Variants in PAQR5 observed in about 807,000 individuals in gnomAD.
The protein encoded by PAQR5 is membrane progestin receptor gamma.
In PAQR5, 20 loss-of-function variants were observed where a neutral mutation model predicts 34.5. That is an observed-to-expected ratio of 0.58 (90% CI 0.41 to 0.84). The LOEUF (loss-of-function observed/expected upper bound fraction) is 0.84, where lower values mean the gene tolerates loss of function less well. Ranked by LOEUF, PAQR5 falls within the 40% of genes least tolerant of loss-of-function variation. The probability of loss-of-function intolerance (pLI) is 0.00; values close to 1 mark genes in which losing one functional copy is unlikely to be tolerated. For synonymous variants in PAQR5, 131 were observed against 155.6 expected (o/e 0.84, Z 1.18); for missense variants, 378 against 412.7 (o/e 0.92, Z 0.73).
chr15:69,340,402 G>T (rs1567008770), intron 2 of PAQR5, among the ~76,000 whole-genome samples: 1 of 152,094 alleles, frequency 6.6e-6, no homozygotes, highest in Non-Finnish European at 1.5e-5. Flanking sequence ...TCACTAAATA[G>T]ATTTCACGAT....
intron 3 of PAQR5, among the ~76,000 whole-genome samples, chr15:69,377,957 G>A (rs964968057): frequency 1.3e-5 from 2 of 152,052 alleles, no homozygotes; most frequent in Non-Finnish European, 2.9e-5. Flanking sequence ...GTGAGACCCT[G>A]TCTCTGCAAA....
At chr15:69,308,947 G>T (rs1566990711) in intron 1 of PAQR5, among the ~76,000 whole-genome samples, 1 of 152,118 alleles carries the variant, frequency 6.6e-6, no homozygotes, top group East Asian at 1.9e-4. Context: ...GACCGAAAGG[G>T]TTTGGACATG....
rs140476800 is a variant in PAQR5 at position 69,309,890 on chromosome 15, A to G, written c.-277+10834A>G. ...AAGGTGAAATGCCATCTCTACAAAA[A>G]TACAAAAATTAGCCAGGCATGATGG... On this transcript the variant is annotated intron_variant, in intron 1 of 8. Coordinates refer to ENST00000395407, the MANE Select transcript of PAQR5 (RefSeq NM_017705.4). Among the ~76,000 whole-genome samples the G allele has an allele frequency of 4.9e-3, 741 of 152,214 alleles. 6 individuals carry two copies. Among genetic ancestry groups the G allele is most frequent in the African/African-American group, 0.017 (695 of 41,540 alleles).
intron 5 of PAQR5, among the ~76,000 whole-genome samples, chr15:69,386,276 A>T (rs1489573819): frequency 6.6e-6 from 1 of 150,988 alleles, no homozygotes; most frequent in Non-Finnish European, 1.5e-5. Context: ...CACCACATAC[A>T]TACACACACA....
Position 69,300,911 on chromosome 15 carries a change from TCCTTTC to T in PAQR5, c.-277+1856_-277+1861del, listed in dbSNP as rs1291240639. On this transcript the variant is annotated intron_variant, in intron 1 of 8. Transcript: ENST00000395407. ...TTTCTTTCTTCCTTCCTTCCTTCCT[TCCTTTC>T]TCTCTCTCTCTCTCTCTCTCTCTTT... Among the ~76,000 whole-genome samples, 2 of 18,768 alleles carry T rather than the reference TCCTTTC, an allele frequency of 1.1e-4. 1 individual carries two copies. The highest frequency in any genetic ancestry group is 2.2e-4 in the African/African-American group (2 of 8,922). The allele number at this position is 18,768 out of a possible 152,430, so 12.3% of individuals were successfully genotyped here. A position where few individuals can be genotyped will look rare whatever the true frequency, so the allele number is the denominator to read the frequency against.
intron 7 of PAQR5, among the ~76,000 whole-genome samples, chr15:69,398,604 C>T (rs1157175545): frequency 1.3e-5 from 2 of 152,000 alleles, no homozygotes; most frequent in African/African-American, 4.8e-5. Flanking sequence ...GAGCTCCACC[C>T]AGCAGCTGGG....
intron 3 of PAQR5, 46 bp downstream of exon 3, chr15:69,360,177 A>G (rs767133997): frequency 2.7e-6 from 4 of 1,503,668 alleles, no homozygotes; most frequent in Admixed American, 3.3e-5. Context: ...GAGTGTGACC[A>G]GGGCTTGGCC....
chr15:69,390,348 A>AT (rs67519047), intron 6 of PAQR5, among the ~76,000 whole-genome samples: 15,882 of 124,844 alleles, frequency 0.13, 1,410 homozygotes, highest in Non-Finnish European at 0.19. Context: ...TTATTTATTT[A>AT]TTTATTTATT....
chr15:69,338,781 A>G (rs552426978), intron 2 of PAQR5, among the ~76,000 whole-genome samples: 1 of 152,296 alleles, frequency 6.6e-6, no homozygotes, highest in East Asian at 1.9e-4. Flanking sequence ...TGTCTTTTTC[A>G]TTTCTGGGCA....
intron 1 of PAQR5, among the ~76,000 whole-genome samples, chr15:69,306,700 G>A (rs1013220502): frequency 1.3e-4 from 19 of 151,912 alleles, no homozygotes; most frequent in East Asian, 3.9e-4. Context: ...ACCGCCCCCC[G>A]CCCATTTAAC....
At chr15:69,399,741 G>A (rs757205184) in intron 7 of PAQR5, among the ~76,000 whole-genome samples, 4 of 152,106 alleles carry the variant, frequency 2.6e-5, no homozygotes, top group Admixed American at 2.0e-4. Context: ...CAATAGTCTC[G>A]AGTCTCAATC....
intron 2 of PAQR5, among the ~76,000 whole-genome samples, chr15:69,355,339 TCTTTTTTTCTTTCTTTCTTTCTTTC>T (rs2055041069): frequency 2.2e-5 from 1 of 46,186 alleles, no homozygotes; most frequent in African/African-American, 1.0e-4. Context: ...TTTCTTTCTT[TCTTTTTTTCTTTCTTTCTTTCTTTC>T]TTTCTTTCTT....
rs184745890 is a variant in PAQR5 at position 69,379,535 on chromosome 15, C to T, written c.52-348C>T. On this transcript the variant is annotated intron_variant, in intron 3 of 8. Transcript: ENST00000395407. Reference sequence around the variant, plus strand: ...CATCTGTGTCAGCTCACCAAAAAGGCGTCCAAAAACTGGGCTGTAGGCCCC... The same window carrying T: ...CATCTGTGTCAGCTCACCAAAAAGGTGTCCAAAAACTGGGCTGTAGGCCCC... The T allele has an allele frequency of 6.2e-4, 610 of 985,358 alleles. 2 individuals are homozygous for T. The African/African-American group carries it at 9.2e-3, about 15-fold the overall frequency. 61.0% of individuals were successfully genotyped at this position (985,358 alleles called of 1,614,324 possible). A position where few individuals can be genotyped will look rare whatever the true frequency, so the allele number is the denominator to read the frequency against.
intron 3 of PAQR5, among the ~76,000 whole-genome samples, chr15:69,378,456 AAAAG>A (rs1468184073): frequency 3.4e-5 from 5 of 147,474 alleles, no homozygotes; most frequent in African/African-American, 1.3e-4. Context: ...AAAAAAAAAA[AAAAG>A]AGAGAGAGAG....
chr15:69,326,012 G>A (rs1456486397), intron 1 of PAQR5, among the ~76,000 whole-genome samples: 1 of 152,046 alleles, frequency 6.6e-6, no homozygotes, highest in Non-Finnish European at 1.5e-5. Context: ...TGTATCTGTA[G>A]CCTCAACTTC....
chr15:69,305,504 C>T (rs1446389200), intron 1 of PAQR5, among the ~76,000 whole-genome samples: 2 of 149,098 alleles, frequency 1.3e-5, no homozygotes, highest in African/African-American at 2.5e-5. Context: ...TTACATAAGT[C>T]GGGGTGGGTG....
intron 1 of PAQR5, among the ~76,000 whole-genome samples, chr15:69,299,324 G>C (rs973274179): frequency 6.6e-6 from 1 of 152,206 alleles, no homozygotes; most frequent in Non-Finnish European, 1.5e-5. Context: ...AATCGAGGGC[G>C]GTGAGGGGAG....
chr15:69,354,996 T>G (rs1402949590), intron 2 of PAQR5, among the ~76,000 whole-genome samples: 1 of 152,306 alleles, frequency 6.6e-6, no homozygotes, highest in Non-Finnish European at 1.5e-5. Context: ...GCCTTCTGCC[T>G]CAGTCCGAGA....
At chr15:69,359,381 G>T (rs565496081) in intron 2 of PAQR5, among the ~76,000 whole-genome samples, 3 of 152,148 alleles carry the variant, frequency 2.0e-5, no homozygotes, top group Non-Finnish European at 1.5e-5. Context: ...TTTGGCCGGG[G>T]GGCATCAGCA....
Sources: allele counts gnomAD v4.1 joint callset (sites outside exome capture counted in the v4.1 genomes callset), GRCh38; gene constraint gnomAD v4.1.1; transcripts MANE v1.5; gene names NCBI Gene and HGNC (gene_info 2026-07-23, HGNC 2026-07-21).